CYP27C1: variants seen among roughly 807,000 people sequenced by gnomAD.
CYP27C1 encodes cytochrome P450 family 27 subfamily C member 1.
A neutral mutation model predicts 40.6 loss-of-function variants in CYP27C1; 29 were observed. The observed-to-expected ratio is 0.71, with a 90% confidence interval of 0.53 to 0.97. CYP27C1 has a LOEUF of 0.97. Ranked by LOEUF, CYP27C1 falls within the 50% of genes least tolerant of loss-of-function variation. The probability of loss-of-function intolerance (pLI) is 0.00; values close to 1 mark genes in which losing one functional copy is unlikely to be tolerated. For synonymous variants in CYP27C1, 198 were observed against 186.8 expected, an observed-to-expected ratio of 1.06 and a Z score of -0.49; for missense variants, 390 against 485.8, an observed-to-expected ratio of 0.80 and a Z score of 1.85.
At chr2:127,191,262 A>AAT (rs1446272839) in intron 8 of CYP27C1, among the ~76,000 whole-genome samples, 6 of 152,170 alleles carry the variant, frequency 3.9e-5, no homozygotes, top group Non-Finnish European at 7.3e-5. Flanking sequence ...AATAAAATAA[A>AAT]AACCGTGATG....
intron 2 of CYP27C1, 40 bp from the exon 3 acceptor site, chr2:127,203,611 C>A: frequency 6.4e-7 from 1 of 1,569,662 alleles, no homozygotes; most frequent in Non-Finnish European, 8.6e-7. Flanking sequence ...CTTACTTACA[C>A]TGACATTCTG....
Position 127,199,485 on chromosome 2 carries a change from C to T in CYP27C1, c.938G>A (p.Gly313Asp), listed in dbSNP as rs373466702. Residue 313 changes from glycine to aspartate, a missense_variant, in exon 5 of 9, where the codon GGC (glycine) becomes GAC (aspartate). Physicochemically the swap from Gly to Asp is moderately conservative, Grantham distance 94 (BLOSUM62 -1). Transcript: ENST00000664447. ...LRDIQYQMDR[G>D]RRVSGGLLTY... ...GAGAAGTCCCCCGCTCACCCTCCGGCCTCGGTCCATTTGGTACTGTATGTC... is the reference window on the plus strand; with the variant it reads ...GAGAAGTCCCCCGCTCACCCTCCGGTCTCGGTCCATTTGGTACTGTATGTC... 2 of 1,614,240 alleles carry T rather than the reference C, an allele frequency of 1.2e-6. No homozygotes were observed. Among genetic ancestry groups the T allele is most frequent in the Non-Finnish European group, 1.7e-6 (2 of 1,180,042 alleles).
rs373725371 is a variant in CYP27C1, at chr2:127,211,465, C to T, written c.283-5375G>A. Among the ~76,000 whole-genome samples the T allele has an allele frequency of 6.3e-4, 92 of 145,752 alleles. No individual in the cohort carries two copies. The South Asian group carries it at 0.019, about 30-fold the overall frequency. On this transcript the variant is annotated intron_variant, in intron 1 of 8. Transcript: ENST00000664447. ...TGGCGCTATCTTGGCTCACTGCAAG[C>T]TCCGCCTCCCGGGTTCATGCCATTC...
Position 127,195,975 on chromosome 2 carries a change from C to A in CYP27C1, c.1048-474G>T, listed in dbSNP as rs1265815717. Reference sequence around the variant, plus strand: ...GCCCTAATCTAGAGATTGGAGTGCACAGGAGATCACTAGTTAGCCATCGTG... The same window carrying A: ...GCCCTAATCTAGAGATTGGAGTGCAAAGGAGATCACTAGTTAGCCATCGTG... On this transcript the variant is annotated intron_variant, in intron 5 of 8. Transcript: ENST00000664447. The surrounding 1 kb of genome is among the most constrained non-coding windows in gnomAD (Gnocchi z 6.2). Among the ~76,000 whole-genome samples the A allele has an allele frequency of 6.6e-6, 1 of 152,108 alleles. No homozygotes were observed. The highest frequency in any genetic ancestry group is 1.5e-5 in the Non-Finnish European group (1 of 68,042).
intron 5 of CYP27C1, among the ~76,000 whole-genome samples, chr2:127,199,110 C>T (rs759804109): frequency 6.6e-6 from 1 of 152,134 alleles, no homozygotes; most frequent in Non-Finnish European, 1.5e-5. Flanking sequence ...CATGGTGAAA[C>T]CCCCGTTGCT....
At chr2:127,207,602 G>A (rs1335755278) in intron 1 of CYP27C1, among the ~76,000 whole-genome samples, 13 of 152,004 alleles carry the variant, frequency 8.6e-5, no homozygotes, top group Admixed American at 6.6e-5. Context: ...CTCAGGAGGT[G>A]GAGGTTGCAG....
chr2:127,189,877 A>G (rs1558924723), intron 8 of CYP27C1, among the ~76,000 whole-genome samples: 1 of 152,182 alleles, frequency 6.6e-6, no homozygotes, highest in Admixed American at 6.5e-5. Flanking sequence ...CACATTTTCT[A>G]TCTTCAATTA....
chr2:127,204,537 G>GAAAGAA lies in CYP27C1; in HGVS notation c.474-967_474-966insTTCTTT, dbSNP rs1465217266. On this transcript the variant is annotated intron_variant, in intron 2 of 8. Transcript: ENST00000664447. ...AGAAGGAAAGAAAGAAAGAAAGAAA[G>GAAAGAA]AGAGAGAGAGAGAGAGAGAGAAAGA... is the stretch of plus-strand genomic sequence containing the variant. Among the ~76,000 whole-genome samples, 61 of 31,780 alleles carry GAAAGAA rather than the reference G, an allele frequency of 1.9e-3. 1 individual carries two copies. The highest frequency in any genetic ancestry group is 5.7e-3 in the African/African-American group (58 of 10,140). The allele number at this position is 31,780 out of a possible 152,430, so 20.8% of individuals were successfully genotyped here. A position where few individuals can be genotyped will look rare whatever the true frequency, so the allele number is the denominator to read the frequency against.
chr2:127,203,312 C>T, intron 3 of CYP27C1, 60 bp downstream of exon 3: 1 of 1,563,208 alleles, frequency 6.4e-7, no homozygotes. Flanking sequence ...AAGATGACAT[C>T]TGCAGGTTTG....
chr2:127,187,627 C>A (rs931535229), intron 8 of CYP27C1, among the ~76,000 whole-genome samples: 1 of 152,196 alleles, frequency 6.6e-6, no homozygotes, highest in Non-Finnish European at 1.5e-5. Flanking sequence ...AGCTGGGCAG[C>A]CGGTGGGACA....
In CYP27C1 at chr2:127,187,219, C is replaced by G; in HGVS notation, c.*52G>C. 1 of 1,425,518 alleles carries G rather than the reference C, an allele frequency of 7.0e-7. No homozygotes were observed. The highest frequency in any genetic ancestry group is 9.9e-7 in the Non-Finnish European group (1 of 1,009,812). 88.3% of individuals were successfully genotyped at this position (1,425,518 alleles called of 1,614,324 possible). A position where few individuals can be genotyped will look rare whatever the true frequency, so the allele number is the denominator to read the frequency against. ...GGTGATCAGCGAACACAAATACCCA[C>G]TGTGTGTCGGCGAGCTGGTCTGCTA... On this transcript the variant is annotated 3_prime_UTR_variant, in exon 9 of 9. Coordinates refer to ENST00000664447, the MANE Select transcript of CYP27C1 (RefSeq NM_001367502.1).
intron 8 of CYP27C1, among the ~76,000 whole-genome samples, chr2:127,192,653 G>A (rs1356455223): frequency 8.5e-6 from 1 of 117,034 alleles, no homozygotes. Flanking sequence ...GTGCCTGAGA[G>A]GCCAGCTCCT....
chr2:127,194,505 C>T (rs12477653), intron 6 of CYP27C1, among the ~76,000 whole-genome samples: 67,592 of 151,820 alleles, frequency 0.45, 15,282 homozygotes, highest in East Asian at 0.56. Context: ...TCCCTAATCC[C>T]ACCTCCTACC....
intron 1 of CYP27C1, among the ~76,000 whole-genome samples, chr2:127,214,788 T>G (rs796111344): frequency 0.01 from 1,484 of 142,698 alleles, 23 homozygotes; most frequent in African/African-American, 0.034. Flanking sequence ...TTTTGTTTTT[T>G]TTTTTTTTTT....
rs111995214 is a variant in CYP27C1, at chr2:127,201,073, C to G, written c.883+49G>C. On this transcript the variant is annotated intron_variant, in intron 4 of 8. Coordinates refer to ENST00000664447, the MANE Select transcript of CYP27C1 (RefSeq NM_001367502.1). The surrounding 1 kb of genome is among the most constrained non-coding windows in gnomAD (Gnocchi z 6.0). ...CTGGATGAGAGTTAGACACACAACA[C>G]GGCAGGTCAACCTGCTTCTGCAAAA... is the stretch of plus-strand genomic sequence containing the variant. The G allele has an allele frequency of 9.0e-6, 14 of 1,561,582 alleles. No individual in the cohort carries two copies. The highest frequency in any genetic ancestry group is 1.1e-5 in the Non-Finnish European group (13 of 1,137,220).
intron 3 of CYP27C1, 87 bp downstream of exon 3, chr2:127,203,285 G>A: frequency 6.8e-7 from 1 of 1,473,664 alleles, no homozygotes; most frequent in South Asian, 1.3e-5. Flanking sequence ...CACTGCCTGG[G>A]ACCCAGGGAA....
rs951920440 is a variant in CYP27C1, at chr2:127,195,248, C to CG, written c.1214+86dup. 1.4e-4 allele frequency: 211 copies of CG among 1,552,900 alleles called. No individual in the cohort carries two copies. Among genetic ancestry groups the CG allele is most frequent in the Non-Finnish European group, 1.5e-4 (176 of 1,135,494 alleles). On this transcript the variant is annotated intron_variant, in intron 6 of 8. Transcript: ENST00000664447. The surrounding 1 kb of genome is among the most constrained non-coding windows in gnomAD (Gnocchi z 6.2). Reference sequence around the variant, plus strand: ...ACATCCTCATCCTGAACAGGTCAGCCGGGGGGGCATTTGGAGGACTTGTTG... The same window carrying CG: ...ACATCCTCATCCTGAACAGGTCAGCCGGGGGGGGCATTTGGAGGACTTGTTG...
At chr2:127,207,271 G>T (rs1683247572) in intron 1 of CYP27C1, among the ~76,000 whole-genome samples, 1 of 152,264 alleles carries the variant, frequency 6.6e-6, no homozygotes, top group Middle Eastern at 3.4e-3. Flanking sequence ...AAGGCGAGGG[G>T]ATCACCTGGG....
Position 127,193,812 on chromosome 2 carries a change from C to T in CYP27C1, c.1270G>A (p.Gly424Ser). The T allele has an allele frequency of 6.2e-7, 1 of 1,614,202 alleles. No homozygotes were observed. Among genetic ancestry groups the T allele is most frequent in the Non-Finnish European group, 8.5e-7 (1 of 1,180,020 alleles). ...ACGCCTTTCGGAATCAGATACCCGCCAATAACCAGGTCTTCCTGGGTGACC... is the reference window on the plus strand; with the variant it reads ...ACGCCTTTCGGAATCAGATACCCGCTAATAACCAGGTCTTCCTGGGTGACC... ...GRVTQEDLVI[G>S]GYLIPKGTQL... Residue 424 changes from glycine to serine, a missense_variant, in exon 7 of 9, where the codon GGC becomes AGC. Transcript: ENST00000664447.
Sources: allele counts gnomAD v4.1 joint callset (sites outside exome capture counted in the v4.1 genomes callset), GRCh38; gene constraint gnomAD v4.1.1; non-coding constraint Gnocchi (gnomAD v3.1); transcripts MANE v1.5; gene names NCBI Gene and HGNC (gene_info 2026-07-23, HGNC 2026-07-21).